CYRIB: variants seen among roughly 807,000 people sequenced by gnomAD.
The protein encoded by CYRIB is CYFIP-related Rac1 interactor B.
In CYRIB, 8 loss-of-function variants were observed where a neutral mutation model predicts 44.2. The ratio of observed to expected loss-of-function variants is 0.18; its 90% CI spans 0.11 to 0.33. The LOEUF (loss-of-function observed/expected upper bound fraction) is 0.33, where lower values mean the gene tolerates loss of function less well. CYRIB is among the 10% of genes least tolerant of loss of function. CYRIB has a pLI of 1.00. For missense variants in CYRIB, 185 were observed against 382.8 expected, an observed-to-expected ratio of 0.48 and a Z score of 4.31; for synonymous variants, 131 against 127.2, an observed-to-expected ratio of 1.03 and a Z score of -0.20.
intron 1 of CYRIB, among the ~76,000 whole-genome samples, chr8:129,988,468 A>AT (rs976488833): frequency 6.6e-6 from 1 of 152,134 alleles, no homozygotes; most frequent in Non-Finnish European, 1.5e-5. Context: ...ACCTCCAGGC[A>AT]TTTGCACGTG....
chr8:129,842,333 G>A (rs1191027511), intron 11 of CYRIB, 128 bp from the exon 14 acceptor site: 2 of 668,216 alleles, frequency 3.0e-6, no homozygotes, highest in Non-Finnish European at 5.2e-6. Context: ...TCTCATTGTA[G>A]CTTTAACCCT....
At chr8:130,016,143 C>T (rs535541506) in intron 1 of CYRIB, among the ~76,000 whole-genome samples, 100 of 147,730 alleles carry the variant, frequency 6.8e-4, no homozygotes, top group African/African-American at 2.3e-3. Context: ...CTCGAGGCGC[C>T]TCCCCCGGGA....
In CYRIB at chr8:129,987,139, T is replaced by C. The variant is rs376262956; in HGVS notation, c.-295-16144A>G. Among the ~76,000 whole-genome samples, 5 of 152,300 alleles carry C rather than the reference T, an allele frequency of 3.3e-5. 1 individual carries two copies. Among genetic ancestry groups the C allele is most frequent in the African/African-American group, 1.2e-4 (5 of 41,560 alleles). On this transcript the variant is annotated intron_variant, in intron 1 of 14. Coordinates refer to the CYRIB transcript ENST00000401979. The stretch of plus-strand genomic sequence containing the variant: ...TCCAAGCTGATGGCCTCTTGCCATC[T>C]TGAAAGGAGAGACTGCTTGAGAAAC...
At chr8:129,847,933 C>G (rs1455428954) in intron 10 of CYRIB, among the ~76,000 whole-genome samples, 1 of 152,158 alleles carries the variant, frequency 6.6e-6, no homozygotes, top group East Asian at 1.9e-4. Flanking sequence ...TCCCGAGTAG[C>G]TGGGACTACA....
intron 1 of CYRIB, among the ~76,000 whole-genome samples, chr8:129,973,699 G>A (rs909583261): frequency 4.6e-5 from 7 of 152,096 alleles, no homozygotes; most frequent in Admixed American, 1.3e-4. Context: ...AAAAATACTC[G>A]CCTGTAGTCC....
chr8:129,962,278 A>C (rs2131783524), intron 2 of CYRIB, among the ~76,000 whole-genome samples: 1 of 151,956 alleles, frequency 6.6e-6, no homozygotes, highest in South Asian at 2.1e-4. Context: ...AAAAGAAAGA[A>C]GGACAGAAAA....
intron 5 of CYRIB, among the ~76,000 whole-genome samples, chr8:129,859,139 T>C (rs1444437088): frequency 1.3e-5 from 2 of 152,086 alleles, no homozygotes; most frequent in African/African-American, 4.8e-5. Flanking sequence ...TCTCCAATGA[T>C]AGGGAAGGCC....
At chr8:129,877,647 TCA>T (rs1564508068) in intron 3 of CYRIB, among the ~76,000 whole-genome samples, 2 of 21,662 alleles carry the variant, frequency 9.2e-5, no homozygotes, top group African/African-American at 2.6e-4. Context: ...AGACCTCATA[TCA>T]AAAAAAAAAA....
chr8:129,910,477 CTTTTTTTTTTT>C (rs1171288097), intron 1 of CYRIB, among the ~76,000 whole-genome samples: 3,350 of 110,674 alleles, frequency 0.03, 158 homozygotes, highest in African/African-American at 0.11. Flanking sequence ...CCTTCTTTCA[CTTTTTTTTTTT>C]TTTTTTTTTT....
chr8:129,853,026 G>A (rs1222187938), intron 7 of CYRIB, among the ~76,000 whole-genome samples: 3 of 152,202 alleles, frequency 2.0e-5, no homozygotes, highest in Non-Finnish European at 4.4e-5. Flanking sequence ...AATGAGTTAT[G>A]CTGTGCAGAG....
chr8:129,903,634 T>C (rs2073601188), intron 1 of CYRIB, among the ~76,000 whole-genome samples: 1 of 152,160 alleles, frequency 6.6e-6, no homozygotes, highest in East Asian at 1.9e-4. Flanking sequence ...CGAAGACAAG[T>C]ACACAATTCT....
intron 2 of CYRIB, among the ~76,000 whole-genome samples, chr8:129,885,121 T>C (rs2062230976): frequency 6.6e-6 from 1 of 152,234 alleles, no homozygotes; most frequent in Non-Finnish European, 1.5e-5. Flanking sequence ...ATGCTGTTAC[T>C]TCACTTACTT....
chr8:129,866,339 A>C (rs921075045), intron 4 of CYRIB, among the ~76,000 whole-genome samples: 1 of 152,206 alleles, frequency 6.6e-6, no homozygotes, highest in Non-Finnish European at 1.5e-5. Flanking sequence ...ATTCTTCTCA[A>C]TTCTGGATTT....
chr8:129,847,095 T>G (rs147596424), intron 10 of CYRIB: 1 of 424,306 alleles, frequency 2.4e-6, no homozygotes, highest in East Asian at 4.5e-5. Flanking sequence ...GTCAAACTAA[T>G]ATACCACACA....
intron 7 of CYRIB, among the ~76,000 whole-genome samples, chr8:129,853,772 AC>A (rs1746356266): frequency 6.6e-6 from 1 of 152,232 alleles, no homozygotes; most frequent in Non-Finnish European, 1.5e-5. Flanking sequence ...ATTTTCTCAA[AC>A]AGCTATATCA....
intron 1 of CYRIB, among the ~76,000 whole-genome samples, chr8:129,928,548 C>A (rs184850601): frequency 6.6e-6 from 1 of 151,562 alleles, no homozygotes; most frequent in East Asian, 1.9e-4. Flanking sequence ...TAGTCCCAGC[C>A]CTTTGGGAGG....
chr8:129,869,057 A>T (rs796448797), intron 4 of CYRIB, among the ~76,000 whole-genome samples: 9 of 35,706 alleles, frequency 2.5e-4, no homozygotes, highest in African/African-American at 7.9e-4. Context: ...TTCTATATTT[A>T]AAAAAAAAAA....
At position 130,007,079 on chromosome 8, in the gene CYRIB, T is replaced by G. The variant is rs2097119556; in HGVS notation, c.-296+9291A>C. Reference sequence around the variant, plus strand: ...TTTCACACTAACTTTACCAAAAACCTCACTGCTCACATTAGCTCAAGTAAT... The same window carrying G: ...TTTCACACTAACTTTACCAAAAACCGCACTGCTCACATTAGCTCAAGTAAT... On this transcript the variant is annotated intron_variant, in intron 1 of 14. Transcript: ENST00000401979. Among the ~76,000 whole-genome samples the G allele has an allele frequency of 2.6e-5, 4 of 152,128 alleles. No individual in the cohort carries two copies. The South Asian group carries it at 8.3e-4, about 32-fold the overall frequency.
chr8:129,928,437 T>A (rs557988713), intron 1 of CYRIB, among the ~76,000 whole-genome samples: 1 of 151,904 alleles, frequency 6.6e-6, no homozygotes, highest in African/African-American at 2.4e-5. Context: ...AAAGAACTCT[T>A]ACAACTCTGT....
Sources: gnomAD v4.1 joint callset for allele counts (sites outside exome capture counted in the v4.1 genomes callset) on GRCh38, gnomAD v4.1.1 for gene constraint, MANE v1.5 for transcripts, NCBI Gene and HGNC (gene_info 2026-07-23, HGNC 2026-07-21) for gene names.